The following THSD4 variants were observed in gnomAD, a reference collection of about 807,000 sequenced individuals.
THSD4 encodes thrombospondin type-1 domain-containing protein 4.
Under a neutral mutation model 119.0 loss-of-function variants are expected in THSD4, and 69 were observed. The ratio of observed to expected loss-of-function variants is 0.58; its 90% CI spans 0.48 to 0.71. THSD4 has a LOEUF of 0.71. THSD4 is among the 30% of genes least tolerant of loss of function. THSD4 has a pLI of 0.00. For synonymous variants in THSD4, 524 were observed against 540.4 expected (o/e 0.97, Z 0.42); for missense variants, 1,393 against 1,391.1 (o/e 1.00, Z -0.02).
At chr15:71,116,981 G>A (rs1474408692) in intron 1 of THSD4, among the ~76,000 whole-genome samples, 12 of 151,974 alleles carry the variant, frequency 7.9e-5, no homozygotes, top group Admixed American at 7.9e-4. Flanking sequence ...CAAAATCCTA[G>A]CCCTGAAATT....
intron 3 of THSD4, among the ~76,000 whole-genome samples, chr15:71,168,191 T>G (rs1015074460): frequency 1.3e-5 from 2 of 152,232 alleles, no homozygotes; most frequent in Non-Finnish European, 2.9e-5. Flanking sequence ...GGAAAAAACT[T>G]GAGCAAGACT....
intron 8 of THSD4, among the ~76,000 whole-genome samples, chr15:71,694,495 A>G (rs961482145): frequency 6.6e-6 from 1 of 152,206 alleles, no homozygotes; most frequent in Non-Finnish European, 1.5e-5. Flanking sequence ...TTGCCTGGCA[A>G]TTTAACTTTT....
intron 7 of THSD4, among the ~76,000 whole-genome samples, chr15:71,632,447 G>T (rs146522475): frequency 6.6e-6 from 1 of 152,198 alleles, no homozygotes; most frequent in East Asian, 1.9e-4. Flanking sequence ...CAACCAACAG[G>T]CTGAAAGCCA....
At chr15:71,250,747 A>T (rs935484709) in intron 5 of THSD4, among the ~76,000 whole-genome samples, 1 of 152,084 alleles carries the variant, frequency 6.6e-6, no homozygotes, top group Non-Finnish European at 1.5e-5. Context: ...ATAAGTAAGC[A>T]CTCTTGAAAT....
At chr15:71,516,517 A>G (rs1340340410) in intron 7 of THSD4, among the ~76,000 whole-genome samples, 1 of 152,162 alleles carries the variant, frequency 6.6e-6, no homozygotes, top group Non-Finnish European at 1.5e-5. Context: ...AATTCAAGTC[A>G]TTTGCCAATC....
intron 6 of THSD4, among the ~76,000 whole-genome samples, chr15:71,389,796 C>A (rs541449244): frequency 3.3e-4 from 34 of 102,874 alleles, no homozygotes; most frequent in African/African-American, 9.7e-4. Context: ...CCAACACTTG[C>A]TATTTTCTGG....
intron 6 of THSD4, among the ~76,000 whole-genome samples, chr15:71,389,810 G>GTTTTTGTTTTTTTT (rs1555408978): frequency 1.1e-5 from 1 of 87,998 alleles, no homozygotes; most frequent in Non-Finnish European, 2.2e-5. Flanking sequence ...TTTCTGGGTT[G>GTTTTTGTTTTTTTT]TTTTTTTTTT....
intron 6 of THSD4, among the ~76,000 whole-genome samples, chr15:71,392,271 T>G (rs905651944): frequency 6.6e-6 from 1 of 152,240 alleles, no homozygotes; most frequent in Middle Eastern, 3.2e-3. Flanking sequence ...ATTCCCCTAC[T>G]TCCCTAGGCA....
At chr15:71,515,572 C>CT (rs2048348410) in intron 7 of THSD4, among the ~76,000 whole-genome samples, 1 of 152,108 alleles carries the variant, frequency 6.6e-6, no homozygotes, top group Admixed American at 6.5e-5. Context: ...TCTACATTGT[C>CT]TTTAGTTATG....
intron 6 of THSD4, among the ~76,000 whole-genome samples, chr15:71,285,076 C>T (rs900571638): frequency 3.3e-5 from 5 of 152,178 alleles, no homozygotes; most frequent in Non-Finnish European, 4.4e-5. Context: ...CTGCTATTCT[C>T]AATTTTAACC....
chr15:71,216,573 A>T (rs1223791229), intron 4 of THSD4, among the ~76,000 whole-genome samples: 1 of 152,242 alleles, frequency 6.6e-6, no homozygotes, highest in African/African-American at 2.4e-5. Flanking sequence ...ATTCTGAAGG[A>T]TGAGTCAAGT....
chr15:71,270,155 C>CA lies in THSD4; in HGVS notation c.1015+13445dup, dbSNP rs1351643841. ...CCCATATAGCCAAGACAATCTTAAG[C>CA]AAAAAGAACAAAGCTGGAGGCATCA... is the stretch of plus-strand genomic sequence containing the variant. On this transcript the variant is annotated intron_variant, in intron 6 of 17. Coordinates refer to ENST00000261862, the MANE Select transcript of THSD4 (RefSeq NM_024817.3). 2.0e-5 allele frequency among the ~76,000 whole-genome samples: 3 copies of CA among 152,196 alleles called. No individual in the cohort carries two copies. The South Asian group carries it at 6.2e-4, about 32-fold the overall frequency.
At chr15:71,602,221 T>C (rs769250239) in intron 7 of THSD4, among the ~76,000 whole-genome samples, 4 of 152,158 alleles carry the variant, frequency 2.6e-5, no homozygotes, top group Non-Finnish European at 4.4e-5. Context: ...CAACTTATTA[T>C]AGTCCTCTTA....
intron 11 of THSD4, among the ~76,000 whole-genome samples, chr15:71,740,000 A>G (rs1007512859): frequency 1.1e-4 from 17 of 152,054 alleles, no homozygotes; most frequent in Non-Finnish European, 2.9e-5. Flanking sequence ...AATAGAATTT[A>G]GGTCTTTGGT....
chr15:71,775,477 A>G (rs1385419892), intron 17 of THSD4, among the ~76,000 whole-genome samples: 2 of 152,182 alleles, frequency 1.3e-5, no homozygotes, highest in Non-Finnish European at 2.9e-5. Context: ...CGGGAGGCCA[A>G]GGCAGGCAGA....
chr15:71,591,043 A>AG (rs1351428087), intron 7 of THSD4, among the ~76,000 whole-genome samples: 1 of 148,862 alleles, frequency 6.7e-6, no homozygotes, highest in Non-Finnish European at 1.5e-5. Flanking sequence ...AAAAAGTTGA[A>AG]GAAAAAAAAG....
upstream of THSD4, chr15:71,111,206 A>C: frequency 6.2e-7 from 1 of 1,613,610 alleles, no homozygotes; most frequent in African/African-American, 1.3e-5. Context: ...AGTGTGAAGC[A>C]GAAAAGGGAA....
intron 7 of THSD4, among the ~76,000 whole-genome samples, chr15:71,605,288 C>T (rs1174551472): frequency 6.6e-6 from 1 of 152,124 alleles, no homozygotes; most frequent in African/African-American, 2.4e-5. Flanking sequence ...ACCTACTGTC[C>T]TAATATTATT....
At chr15:71,432,710 C>A (rs1481716251) in intron 7 of THSD4, among the ~76,000 whole-genome samples, 1 of 151,972 alleles carries the variant, frequency 6.6e-6, no homozygotes, top group Non-Finnish European at 1.5e-5. Flanking sequence ...ACATATGATA[C>A]AATTTTTATA....
Sources: gnomAD v4.1 joint callset for allele counts (sites outside exome capture counted in the v4.1 genomes callset) on GRCh38, gnomAD v4.1.1 for gene constraint, MANE v1.5 for transcripts, NCBI Gene and HGNC (gene_info 2026-07-23, HGNC 2026-07-21) for gene names.